Variants in AXDND1 observed in about 807,000 individuals in gnomAD.
AXDND1 encodes axonemal dynein light chain domain-containing protein 1.
AXDND1 carries 110 observed loss-of-function variants against 137.5 expected under a neutral mutation model. That is an observed-to-expected ratio of 0.80 (90% CI 0.69 to 0.94). The LOEUF (loss-of-function observed/expected upper bound fraction) is 0.94, where lower values mean the gene tolerates loss of function less well. Ranked by LOEUF, AXDND1 falls within the 40% of genes least tolerant of loss-of-function variation. The pLI is 0.00. For synonymous variants in AXDND1, 414 were observed against 399.7 expected, an observed-to-expected ratio of 1.04 and a Z score of -0.43; for missense variants, 1,191 against 1,169.8, an observed-to-expected ratio of 1.02 and a Z score of -0.26.
chr1:179,517,298 AT>A (rs1669637335), intron 21 of AXDND1, among the ~76,000 whole-genome samples: 2 of 152,178 alleles, frequency 1.3e-5, no homozygotes, highest in South Asian at 4.1e-4. Flanking sequence ...TACTCCCACC[AT>A]GCCCCTACTA....
At chr1:179,441,144 G>C (rs775886919) in intron 15 of AXDND1, among the ~76,000 whole-genome samples, 2 of 152,148 alleles carry the variant, frequency 1.3e-5, no homozygotes, top group African/African-American at 2.4e-5. Context: ...CCCTTGTCTC[G>C]TTACCCGGCA....
intron 25 of AXDND1, among the ~76,000 whole-genome samples, chr1:179,549,122 GA>G (rs899991086): frequency 7.1e-4 from 105 of 148,736 alleles, no homozygotes; most frequent in Middle Eastern, 3.5e-3. Flanking sequence ...AAATTATCAG[GA>G]AAAAAAAAAC....
chr1:179,437,949 C>G (rs1296736110), intron 15 of AXDND1, among the ~76,000 whole-genome samples: 2 of 152,062 alleles, frequency 1.3e-5, no homozygotes, highest in Non-Finnish European at 2.9e-5. Context: ...GTCAGGAGTT[C>G]AAGACCAGCC....
intron 11 of AXDND1, among the ~76,000 whole-genome samples, chr1:179,404,777 A>C (rs940257577): frequency 6.6e-6 from 1 of 152,180 alleles, no homozygotes; most frequent in African/African-American, 2.4e-5. Flanking sequence ...TTGCAGAATC[A>C]GTTAAGAAGA....
Position 179,388,351 on chromosome 1 carries a change from G to T in AXDND1, c.863+2992G>T, listed in dbSNP as rs59949433. Among the ~76,000 whole-genome samples the T allele has an allele frequency of 1.2e-4, 18 of 152,262 alleles. No individual in the cohort carries two copies. In the South Asian group the frequency reaches 2.7e-3, roughly 23 times the overall value. ...TTTCAGAAGTGTTGGGAAATTATCA[G>T]TGATGATCTTTGACTCATGTCTGTA... is the stretch of plus-strand genomic sequence containing the variant. On this transcript the variant is annotated intron_variant, in intron 9 of 25. Coordinates refer to ENST00000367618, the MANE Select transcript of AXDND1 (RefSeq NM_144696.6).
At chr1:179,527,736 C>T (rs1670668809) in intron 22 of AXDND1, among the ~76,000 whole-genome samples, 1 of 152,154 alleles carries the variant, frequency 6.6e-6, no homozygotes, top group Admixed American at 6.5e-5. Flanking sequence ...CTTTACTATA[C>T]TCTGAGACTC....
At position 179,447,635 on chromosome 1, in the gene AXDND1, C is replaced by T. The variant is rs184841069; in HGVS notation, c.1798+2431C>T. 4.0e-4 allele frequency: 522 copies of T among 1,289,674 alleles called. 1 individual carries two copies. The Middle Eastern group carries it at 4.3e-3, about 11-fold the overall frequency. The allele number at this position is 1,289,674 out of a possible 1,614,324, so 79.9% of individuals were successfully genotyped here. A position where few individuals can be genotyped will look rare whatever the true frequency, so the allele number is the denominator to read the frequency against. On this transcript the variant is annotated intron_variant, in intron 16 of 25. Coordinates refer to ENST00000367618, the MANE Select transcript of AXDND1 (RefSeq NM_144696.6). ...ATGCCCTTGCTTGAAGCGGGGATGACAACTCGAAGATCTGGTTTTCCACTG... is the reference window on the plus strand; with the variant it reads ...ATGCCCTTGCTTGAAGCGGGGATGATAACTCGAAGATCTGGTTTTCCACTG...
intron 16 of AXDND1, among the ~76,000 whole-genome samples, chr1:179,459,918 CTCTT>C (rs68157555): frequency 0.13 from 16,125 of 124,446 alleles, 1,124 homozygotes; most frequent in East Asian, 0.29. Context: ...TTTTCTTTCT[CTCTT>C]TCCTTCCTTC....
At chr1:179,386,091 G>A (rs1364268821) in intron 9 of AXDND1, among the ~76,000 whole-genome samples, 2 of 123,050 alleles carry the variant, frequency 1.6e-5, no homozygotes, top group Admixed American at 1.1e-4. Flanking sequence ...TCGCTCTGTC[G>A]CCCAGGCTGG....
chr1:179,483,034 T>C (rs1473350839), intron 17 of AXDND1, 94 bp from the exon 18 acceptor site: 3 of 786,768 alleles, frequency 3.8e-6, no homozygotes, highest in Non-Finnish European at 5.9e-6. Context: ...AAGTTTACAA[T>C]ACCCAGCCAA....
At chr1:179,488,636 TTTCTTTCTTTC>T (rs769656835) in intron 18 of AXDND1, among the ~76,000 whole-genome samples, 1,983 of 45,624 alleles carry the variant, frequency 0.043, 174 homozygotes, top group South Asian at 0.096. Flanking sequence ...CTCTCTCTCC[TTTCTTTCTTTC>T]TTTCTTTCTT....
rs200097954 is a variant in AXDND1 at position 179,534,899 on chromosome 1, GAAGAAC to G, written c.2971_2976del (p.Glu991_Gln992del). 238 of 1,576,724 alleles carry G rather than the reference GAAGAAC, an allele frequency of 1.5e-4. No individual in the cohort carries two copies. The highest frequency in any genetic ancestry group is 8.6e-4 in the Admixed American group (49 of 56,740). On this transcript the variant is annotated inframe_deletion, in exon 25 of 26. Transcript: ENST00000367618. ...AGATGAAAGAGAAGTAAAAGAAGAA[GAAGAAC>G]AACAAGAAGAAGAAGAAGTCAGGTC...
At chr1:179,550,931 G>T in intron 25 of AXDND1, 3 of 552,220 alleles carry the variant, frequency 5.4e-6, no homozygotes, top group Non-Finnish European at 9.7e-6. Flanking sequence ...GTAGAATGTT[G>T]ACCAAAGCTG....
At chr1:179,418,196 C>T (rs868601853) in intron 12 of AXDND1, among the ~76,000 whole-genome samples, 7 of 150,776 alleles carry the variant, frequency 4.6e-5, no homozygotes, top group East Asian at 3.9e-4. Context: ...TGACTCTTAA[C>T]GAGCATGCTG....
chr1:179,482,764 A>G (rs1201972210), intron 17 of AXDND1, among the ~76,000 whole-genome samples: 1 of 151,862 alleles, frequency 6.6e-6, no homozygotes, highest in East Asian at 1.9e-4. Flanking sequence ...CTTGCTCCTC[A>G]CACTATCATG....
intron 12 of AXDND1, among the ~76,000 whole-genome samples, chr1:179,424,694 T>C (rs1298947361): frequency 6.6e-6 from 1 of 152,022 alleles, no homozygotes; most frequent in Admixed American, 6.6e-5. Context: ...CCTCCCAAAG[T>C]GCTAGGATTG....
intron 18 of AXDND1, among the ~76,000 whole-genome samples, chr1:179,486,134 A>C (rs1401768089): frequency 8.6e-6 from 1 of 116,464 alleles, no homozygotes; most frequent in East Asian, 3.1e-4. Context: ...AAAAAAAAAA[A>C]AAAAAAACCT....
chr1:179,411,041 A>C (rs1653787880), intron 11 of AXDND1, 105 bp from the exon 12 acceptor site: 2 of 876,026 alleles, frequency 2.3e-6, no homozygotes, highest in African/African-American at 1.8e-5. Flanking sequence ...ATGAGTTTTA[A>C]AGGAACACAT....
chr1:179,408,057 A>G (rs1453553851), intron 11 of AXDND1, among the ~76,000 whole-genome samples: 2 of 152,168 alleles, frequency 1.3e-5, no homozygotes, highest in Admixed American at 6.5e-5. Context: ...TGTTGAAGCT[A>G]TCAAATGTAT....
Sources: gnomAD v4.1 joint callset for allele counts (sites outside exome capture counted in the v4.1 genomes callset) on GRCh38, gnomAD v4.1.1 for gene constraint, MANE v1.5 for transcripts, NCBI Gene and HGNC (gene_info 2026-07-23, HGNC 2026-07-21) for gene names.